The following MACF1 variants were observed in gnomAD, a reference collection of about 807,000 sequenced individuals.
MACF1 encodes the protein microtubule actin crosslinking factor 1.
In MACF1, 193 loss-of-function variants were observed where a neutral mutation model predicts 854.8. The ratio of observed to expected loss-of-function variants is 0.23; its 90% CI spans 0.20 to 0.25. The LOEUF is 0.25. Ranked by LOEUF, MACF1 falls within the 10% of genes least tolerant of loss-of-function variation. MACF1 has a pLI of 1.00. For synonymous variants in MACF1, 3,185 were observed against 3,226.7 expected (o/e 0.99, Z 0.44); for missense variants, 7,722 against 8,929.1 (o/e 0.86, Z 5.45).
At chr1:39,300,722 A>G (rs1223215329) in intron 22 of MACF1, among the ~76,000 whole-genome samples, 1 of 152,042 alleles carries the variant, frequency 6.6e-6, no homozygotes, top group Non-Finnish European at 1.5e-5. Flanking sequence ...CCTTAAACGT[A>G]CTTTTTCTAT....
intron 56 of MACF1, among the ~76,000 whole-genome samples, chr1:39,383,913 A>G (rs1335530219): frequency 6.6e-6 from 1 of 152,076 alleles, no homozygotes; most frequent in African/African-American, 2.4e-5. Context: ...TGTCTTTGCA[A>G]ATCTTAATTT....
intron 87 of MACF1, 117 bp from the exon 88 acceptor site, chr1:39,453,590 C>A: frequency 1.2e-6 from 1 of 838,804 alleles, no homozygotes; most frequent in Non-Finnish European, 1.9e-6. Context: ...TTTTAGAGGT[C>A]TGCGTTAACA....
Position 39,340,544 on chromosome 1 carries a change from C to T in MACF1, c.10258C>T (p.Gln3420Ter). The T allele has an allele frequency of 6.2e-7, 1 of 1,614,004 alleles. No individual in the cohort carries two copies. Among genetic ancestry groups the T allele is most frequent in the Non-Finnish European group, 8.5e-7 (1 of 1,180,016 alleles). ...AAAGGATCTGACCACCTTGGTCAGT[C>T]AGGAGCTGGAGTGTGTGAATCAGAT... ...ELKDLTTLVS[Q>*]ELECVNQIII... Residue 3420 changes from glutamine (Q) to a stop codon, truncating the protein, a stop_gained, in exon 39 of 101, where the codon CAG becomes TAG. Coordinates refer to ENST00000564288, the MANE Select transcript of MACF1 (RefSeq NM_001394062.1). LOFTEE classifies it high-confidence loss of function.
At chr1:39,190,422 T>TTGGC (rs1644240921) in intron 2 of MACF1, among the ~76,000 whole-genome samples, 1 of 111,670 alleles carries the variant, frequency 9.0e-6, no homozygotes, top group Admixed American at 1.1e-4. Flanking sequence ...TTTTTTTTGA[T>TTGGC]GGAATCTTGC....
chr1:39,137,875 A>G (rs563887460), intron 2 of MACF1, among the ~76,000 whole-genome samples: 1 of 151,566 alleles, frequency 6.6e-6, no homozygotes, highest in South Asian at 2.1e-4. Flanking sequence ...CGAGTTTGAG[A>G]CCAGCCTGGC....
intron 89 of MACF1, among the ~76,000 whole-genome samples, chr1:39,455,542 T>A (rs1025941721): frequency 1.3e-5 from 2 of 152,118 alleles, no homozygotes; most frequent in African/African-American, 4.8e-5. Context: ...AGTCTTGAAA[T>A]GTAATGAAGA....
intron 13 of MACF1, 95 bp from the exon 14 acceptor site, chr1:39,285,509 T>C: frequency 6.6e-7 from 1 of 1,520,612 alleles, no homozygotes; most frequent in Non-Finnish European, 8.9e-7. Context: ...CCTTTTTTTT[T>C]TTTTTTGGAA....
intron 2 of MACF1, among the ~76,000 whole-genome samples, chr1:39,238,086 G>A (rs1483819580): frequency 6.6e-6 from 1 of 152,110 alleles, no homozygotes; most frequent in African/African-American, 2.4e-5. Flanking sequence ...GAATAAAAAA[G>A]GATTTAAAAA....
chr1:39,207,321 C>T (rs1644462681), intron 1 of MACF1, among the ~76,000 whole-genome samples: 1 of 149,948 alleles, frequency 6.7e-6, no homozygotes. Flanking sequence ...TCTTGTTATC[C>T]AGGCTGGAGT....
chr1:39,307,503 T>C (rs577672342), intron 23 of MACF1, among the ~76,000 whole-genome samples: 1 of 152,336 alleles, frequency 6.6e-6, no homozygotes, highest in African/African-American at 2.4e-5. Flanking sequence ...TCTTTTTGCA[T>C]TCATTATGCT....
chr1:39,317,711 T>C lies in MACF1; in HGVS notation c.3782+304T>C, dbSNP rs80099201. On this transcript the variant is annotated intron_variant, in intron 29 of 100. Coordinates refer to ENST00000564288, the MANE Select transcript of MACF1 (RefSeq NM_001394062.1). The stretch of plus-strand genomic sequence containing the variant: ...CTTTTCTCAAGGACAAAACCTATAC[T>C]CTAGTTCTTGTTTTATTAGCTTTGT... 3.6e-3 allele frequency among the ~76,000 whole-genome samples: 554 copies of C among 152,276 alleles called. 3 individuals are homozygous for C. Among genetic ancestry groups the C allele is most frequent in the African/African-American group, 0.013 (524 of 41,540 alleles).
Position 39,428,127 on chromosome 1 carries a change from A to C in MACF1, c.16643A>C (p.Lys5548Thr). 3.1e-6 allele frequency: 5 copies of C among 1,614,222 alleles called. No individual in the cohort carries two copies. Among genetic ancestry groups the C allele is most frequent in the Non-Finnish European group, 4.2e-6 (5 of 1,180,040 alleles). Residue 5548 changes from lysine (K) to threonine (T), a missense_variant, in exon 63 of 101, where the codon AAG becomes ACG. Physicochemically the swap from Lys to Thr is moderately conservative, Grantham distance 78 (BLOSUM62 -1). Transcript: ENST00000564288. The stretch of plus-strand genomic sequence containing the variant: ...GAAATTCAAGACCGCTGTTGTCGGA[A>C]GGCAGCCCTACTTGACCAAGCTCTG... ...YSEIQDRCCR[K>T]AALLDQALSN...
chr1:39,102,953 C>G (rs1257698010), intron 2 of MACF1: 4 of 701,394 alleles, frequency 5.7e-6, no homozygotes, highest in Non-Finnish European at 1.0e-5. Flanking sequence ...GTAAAATTTT[C>G]TCTGTATAAA....
intron 23 of MACF1, chr1:39,304,793 A>T (rs1335743216): frequency 3.8e-6 from 1 of 262,934 alleles, no homozygotes; most frequent in East Asian, 1.0e-4. Flanking sequence ...CGATCTCCTG[A>T]CCTTGTGATC....
chr1:39,481,055 G>C, intron 99 of MACF1, 25 bp downstream of exon 99: 3 of 1,455,808 alleles, frequency 2.1e-6, no homozygotes, highest in Non-Finnish European at 2.8e-6. Flanking sequence ...TGCTGACTGA[G>C]GACACAGTCA....
intron 21 of MACF1, chr1:39,299,347 C>T (rs766584070): frequency 2.2e-6 from 1 of 453,704 alleles, no homozygotes; most frequent in East Asian, 7.0e-5. Flanking sequence ...TTACTCTCAT[C>T]GCATCTACAT....
intron 2 of MACF1, among the ~76,000 whole-genome samples, chr1:39,133,171 C>T (rs1643053156): frequency 6.6e-6 from 1 of 152,230 alleles, no homozygotes; most frequent in African/African-American, 2.4e-5. Flanking sequence ...ATTTCCTGTC[C>T]TCTGTCCTCA....
At chr1:39,298,220 A>T (rs530518284) in intron 21 of MACF1, among the ~76,000 whole-genome samples, 2 of 152,200 alleles carry the variant, frequency 1.3e-5, no homozygotes, top group African/African-American at 4.8e-5. Context: ...TGATAATTAA[A>T]ATTGATTTTA....
At position 39,296,701 on chromosome 1, in the gene MACF1, G is replaced by T. The variant is rs149473123; in HGVS notation, c.2355+819G>T. ...GCCAAGATCACACCACTGCACTCCAGCCTGGGCAACAGAGCAAGTGTCTAA... is the reference window on the plus strand; with the variant it reads ...GCCAAGATCACACCACTGCACTCCATCCTGGGCAACAGAGCAAGTGTCTAA... On this transcript the variant is annotated intron_variant, in intron 20 of 100. Coordinates refer to ENST00000564288, the MANE Select transcript of MACF1 (RefSeq NM_001394062.1). Among the ~76,000 whole-genome samples, 235 of 148,018 alleles carry T rather than the reference G, an allele frequency of 1.6e-3. 1 individual carries two copies. The highest frequency in any genetic ancestry group is 5.8e-3 in the African/African-American group (227 of 39,242).
Sources: allele counts gnomAD v4.1 joint callset (sites outside exome capture counted in the v4.1 genomes callset), GRCh38; gene constraint gnomAD v4.1.1; transcripts MANE v1.5; gene names NCBI Gene and HGNC (gene_info 2026-07-23, HGNC 2026-07-21).